The following MRAP variants were observed in gnomAD, a reference collection of about 807,000 sequenced individuals.
MRAP encodes melanocortin 2 receptor accessory protein.
A neutral mutation model predicts 8.7 loss-of-function variants in MRAP; 8 were observed. The observed-to-expected ratio is 0.92, with a 90% CI of 0.54 to 1.66. The LOEUF (loss-of-function observed/expected upper bound fraction) is 1.66. Among genes scored for constraint, MRAP ranks in the 40% most tolerant of loss-of-function variants. The pLI is 0.00. For missense variants in MRAP, 237 were observed against 217.1 expected, an observed-to-expected ratio of 1.09 and a Z score of -0.58; for synonymous variants, 95 against 95.5, an observed-to-expected ratio of 1.00 and a Z score of 0.03.
intron 1 of MRAP, among the ~76,000 whole-genome samples, chr21:32,305,398 A>G (rs1340024724): frequency 6.6e-6 from 1 of 151,924 alleles, no homozygotes; most frequent in East Asian, 1.9e-4. Flanking sequence ...TCAAATACCA[A>G]TCTTCACCCC....
chr21:32,294,033 A>G (rs2032096752), upstream of MRAP, among the ~76,000 whole-genome samples: 1 of 152,182 alleles, frequency 6.6e-6, no homozygotes, highest in Non-Finnish European at 1.5e-5. Context: ...CCAAACTAAT[A>G]AAATTATGCT....
Position 32,311,822 on chromosome 21 carries a change from C to T in MRAP, c.345C>T (p.Ser115=). 6.2e-7 allele frequency: 1 copy of T among 1,613,992 alleles called. No individual in the cohort carries two copies. Among genetic ancestry groups the T allele is most frequent in the Non-Finnish European group, 8.5e-7 (1 of 1,180,044 alleles). Residue 115 remains serine, a synonymous_variant, in exon 3 of 3, where the codon AGC becomes AGT. Coordinates refer to ENST00000303645, the MANE Select transcript of MRAP (RefSeq NM_001379228.1). ...AGGCGAGCTCAGTGGAGCCAGGGAG[C>T]AGAACTGGCCCTGACCAGCCGCTAC... ...QAQASSVEPG[S]RTGPDQPLRQ...
intron 1 of MRAP, among the ~76,000 whole-genome samples, chr21:32,300,818 A>G (rs913094153): frequency 5.7e-5 from 8 of 140,766 alleles, no homozygotes; most frequent in Non-Finnish European, 1.1e-4. Flanking sequence ...CAGGGGCGTC[A>G]TGTGTCCTAT....
chr21:32,292,588 C>T (rs1443605789), intron 1 of MRAP, among the ~76,000 whole-genome samples: 1 of 152,116 alleles, frequency 6.6e-6, no homozygotes, highest in African/African-American at 2.4e-5. Flanking sequence ...TCCTGAGTAG[C>T]TGGGATTACA....
At chr21:32,307,007 A>G (rs1356586656) in intron 2 of MRAP, among the ~76,000 whole-genome samples, 3 of 152,308 alleles carry the variant, frequency 2.0e-5, no homozygotes, top group African/African-American at 4.8e-5. Context: ...GGGATGCTCA[A>G]CCTACGTCCC....
At position 32,306,728 on chromosome 21, in the gene MRAP, C is replaced by T. The variant is rs1302731175; in HGVS notation, c.195C>T (p.Ser65=). The change falls in exon 2 of 3, where the codon TCC becomes TCT. Residue 65 remains serine (S), a synonymous_variant. Coordinates refer to ENST00000303645, the MANE Select transcript of MRAP (RefSeq NM_001379228.1). The part of the protein sequence containing the change: ...LILLYMSWSA[S]PQMRNSPKHH... ...TGCTCTACATGTCCTGGTCCGCCTC[C>T]CCGCAGATGAGGTGGGTAAGAAGGG... The T allele has an allele frequency of 1.2e-6, 2 of 1,613,910 alleles. No homozygotes were observed. Among genetic ancestry groups the T allele is most frequent in the Non-Finnish European group, 1.7e-6 (2 of 1,179,924 alleles).
chr21:32,306,415 A>T, intron 1 of MRAP: 1 of 594,488 alleles, frequency 1.7e-6, no homozygotes, highest in Non-Finnish European at 3.1e-6. Context: ...CCCTAAACAG[A>T]CCCCGTGGCC....
chr21:32,293,785 T>G (rs958907200), intron 2 of MRAP, among the ~76,000 whole-genome samples: 3 of 152,250 alleles, frequency 2.0e-5, no homozygotes, highest in African/African-American at 7.2e-5. Context: ...AGGTATTTGT[T>G]AATATAAGTA....
intron 2 of MRAP, among the ~76,000 whole-genome samples, chr21:32,310,022 G>T (rs138411259): frequency 2.6e-5 from 4 of 152,116 alleles, no homozygotes; most frequent in Non-Finnish European, 4.4e-5. Flanking sequence ...ATAAACGAGT[G>T]ATGTCACCTT....
chr21:32,302,979 C>CTTTTTTTTTTT (rs57692462), intron 1 of MRAP, among the ~76,000 whole-genome samples: 1 of 124,282 alleles, frequency 8.0e-6, no homozygotes, highest in African/African-American at 3.1e-5. Context: ...CCCCAATTCC[C>CTTTTTTTTTTT]TTTTTTTTTT....
At chr21:32,292,688 C>T (rs1468864786) in intron 1 of MRAP, among the ~76,000 whole-genome samples, 1 of 152,000 alleles carries the variant, frequency 6.6e-6, no homozygotes, top group African/African-American at 2.4e-5. Flanking sequence ...AACTCCTGAC[C>T]TCAGGTAATT....
chr21:32,300,763 A>G (rs2032265302), intron 1 of MRAP, among the ~76,000 whole-genome samples: 1 of 140,688 alleles, frequency 7.1e-6, no homozygotes, highest in South Asian at 2.3e-4. Flanking sequence ...GTCCTATGTC[A>G]GGGGCGTCAT....
downstream of MRAP, chr21:32,312,350 G>A: frequency 8.3e-7 from 1 of 1,199,664 alleles, no homozygotes; most frequent in Non-Finnish European, 1.1e-6. Context: ...TGCGTTATCA[G>A]CCCTGAGTTC....
intron 1 of MRAP, among the ~76,000 whole-genome samples, chr21:32,292,687 C>A (rs2032070178): frequency 6.6e-6 from 1 of 151,982 alleles, no homozygotes; most frequent in South Asian, 2.1e-4. Flanking sequence ...GAACTCCTGA[C>A]CTCAGGTAAT....
intron 1 of MRAP, among the ~76,000 whole-genome samples, chr21:32,305,546 G>C (rs1017767272): frequency 5.9e-5 from 9 of 152,136 alleles, no homozygotes; most frequent in African/African-American, 1.7e-4. Context: ...GGAGGTTGGG[G>C]GTGGAACATT....
downstream of MRAP, chr21:32,314,452 T>C: frequency 8.9e-7 from 1 of 1,119,316 alleles, no homozygotes; most frequent in Non-Finnish European, 1.4e-6. Context: ...CCCAAAGTGC[T>C]GGGATTATAG....
intron 2 of MRAP, among the ~76,000 whole-genome samples, chr21:32,309,291 C>T (rs2032494876): frequency 6.6e-6 from 1 of 152,088 alleles, no homozygotes; most frequent in African/African-American, 2.4e-5. Context: ...ACAAACCATA[C>T]CACAGCCCAA....
chr21:32,307,372 C>A (rs1229423084), intron 2 of MRAP, among the ~76,000 whole-genome samples: 1 of 151,954 alleles, frequency 6.6e-6, no homozygotes, highest in East Asian at 1.9e-4. Context: ...GTCAGGAGTT[C>A]AAGTTACCAG....
rs1491102450 is a variant in MRAP at position 32,304,964 on chromosome 21, T to TG, written c.107-1675dup. Among the ~76,000 whole-genome samples the TG allele has an allele frequency of 9.2e-4, 96 of 104,756 alleles. 1 individual carries two copies. Among genetic ancestry groups the TG allele is most frequent in the African/African-American group, 3.0e-3 (90 of 29,824 alleles). The allele number at this position is 104,756 out of a possible 152,430, so 68.7% of individuals were successfully genotyped here. The stretch of plus-strand genomic sequence containing the variant: ...TTTGAGGGGGATTTGTTTTTTTTGT[T>TG]GTTTTTTTTTTTTTTTTTTTTTTTT... On this transcript the variant is annotated intron_variant, in intron 1 of 2. Coordinates refer to ENST00000303645, the MANE Select transcript of MRAP (RefSeq NM_001379228.1).
Sources: gnomAD v4.1 joint callset for allele counts (sites outside exome capture counted in the v4.1 genomes callset) on GRCh38, gnomAD v4.1.1 for gene constraint, MANE v1.5 for transcripts, NCBI Gene and HGNC (gene_info 2026-07-23, HGNC 2026-07-21) for gene names.